Variants in TAFA2 observed in about 807,000 individuals in gnomAD.
TAFA2 encodes TAFA chemokine like family member 2, also known as chemokine-like protein TAFA-2.
TAFA2 carries 7 observed loss-of-function variants against 18.8 expected under a neutral mutation model. That is an observed-to-expected ratio of 0.37 (90% CI 0.21 to 0.70). TAFA2 has a LOEUF of 0.70. Ranked by LOEUF, TAFA2 falls within the 30% of genes least tolerant of loss-of-function variation. The probability of loss-of-function intolerance (pLI) is 0.53; values close to 1 mark genes in which losing one functional copy is unlikely to be tolerated. For missense variants in TAFA2, 122 were observed against 158.1 expected (o/e 0.77, Z 1.23); for synonymous variants, 60 against 54.2 (o/e 1.11, Z -0.47).
chr12:61,943,849 A>C (rs1272398736), intron 1 of TAFA2, among the ~76,000 whole-genome samples: 1 of 127,890 alleles, frequency 7.8e-6, no homozygotes. Context: ...CCACACATTA[A>C]TAATGGGAGA....
intron 1 of TAFA2, among the ~76,000 whole-genome samples, chr12:62,126,814 T>C (rs1870480967): frequency 6.6e-6 from 1 of 152,136 alleles, no homozygotes; most frequent in African/African-American, 2.4e-5. Flanking sequence ...ATAATAATCA[T>C]TTAGCTAACA....
At chr12:62,112,205 T>A (rs895719357) in intron 1 of TAFA2, among the ~76,000 whole-genome samples, 1 of 152,212 alleles carries the variant, frequency 6.6e-6, no homozygotes, top group Non-Finnish European at 1.5e-5. Context: ...TCTCTCAGTA[T>A]TTGCTTGTCT....
At chr12:62,225,349 A>G (rs2062781497) in intron 1 of TAFA2, among the ~76,000 whole-genome samples, 1 of 152,236 alleles carries the variant, frequency 6.6e-6, no homozygotes. Context: ...TTTCCACCTT[A>G]TAACAATAAA....
intron 1 of TAFA2, among the ~76,000 whole-genome samples, chr12:62,011,084 G>T (rs1471809142): frequency 6.6e-6 from 1 of 150,524 alleles, no homozygotes; most frequent in African/African-American, 2.4e-5. Context: ...TGGGAGGTGG[G>T]GAGCGCCTCT....
intron 1 of TAFA2, chr12:62,252,188 T>C (rs1469539616): frequency 6.6e-6 from 1 of 152,240 alleles, no homozygotes; most frequent in Non-Finnish European, 1.5e-5. Flanking sequence ...CTTTCTCAGG[T>C]CATCAATACT....
intron 1 of TAFA2, among the ~76,000 whole-genome samples, chr12:61,889,013 C>T (rs985324541): frequency 6.6e-6 from 1 of 152,210 alleles, no homozygotes; most frequent in Admixed American, 6.5e-5. Flanking sequence ...CAGCAATGGG[C>T]TGGCCTTGAT....
At chr12:61,844,826 T>C (rs192116699) in intron 2 of TAFA2, among the ~76,000 whole-genome samples, 75 of 152,262 alleles carry the variant, frequency 4.9e-4, no homozygotes, top group Non-Finnish European at 9.1e-4. Context: ...CCATAGATGG[T>C]ATGTTGTTGT....
chr12:61,963,889 C>A (rs1311022139), intron 1 of TAFA2, among the ~76,000 whole-genome samples: 4 of 151,810 alleles, frequency 2.6e-5, no homozygotes, highest in African/African-American at 4.8e-5. Flanking sequence ...ATATATAGAC[C>A]AATGGAACAG....
At chr12:62,119,339 TC>T (rs1870097139) in intron 1 of TAFA2, among the ~76,000 whole-genome samples, 1 of 144,686 alleles carries the variant, frequency 6.9e-6, no homozygotes, top group Non-Finnish European at 1.5e-5. Flanking sequence ...TCAAATACAA[TC>T]AGAATGATTA....
chr12:62,154,061 A>G (rs1592370038), intron 1 of TAFA2, among the ~76,000 whole-genome samples: 2 of 152,038 alleles, frequency 1.3e-5, no homozygotes, highest in Non-Finnish European at 2.9e-5. Flanking sequence ...ACCTACAGGC[A>G]CCTGCCACCA....
At chr12:62,006,581 A>C (rs1358935051) in intron 1 of TAFA2, among the ~76,000 whole-genome samples, 2 of 152,208 alleles carry the variant, frequency 1.3e-5, no homozygotes, top group African/African-American at 4.8e-5. Flanking sequence ...TACTAACTAA[A>C]GTCTAAGAGA....
intron 1 of TAFA2, among the ~76,000 whole-genome samples, chr12:61,943,453 A>C (rs1482102611): frequency 6.8e-6 from 1 of 147,562 alleles, no homozygotes; most frequent in Non-Finnish European, 1.5e-5. Context: ...ACACATAACA[A>C]TATTAACTTT....
chr12:61,863,416 C>T (rs773399118), intron 2 of TAFA2, among the ~76,000 whole-genome samples: 6 of 152,164 alleles, frequency 3.9e-5, no homozygotes, highest in African/African-American at 9.7e-5. Flanking sequence ...AGAATGGTAA[C>T]CCAGGGCTCA....
At chr12:61,901,742 T>A (rs968743649) in intron 1 of TAFA2, among the ~76,000 whole-genome samples, 1 of 152,166 alleles carries the variant, frequency 6.6e-6, no homozygotes, top group Non-Finnish European at 1.5e-5. Flanking sequence ...CACACAGGTT[T>A]GTTACATTAA....
At chr12:61,897,631 C>T (rs181322374) in intron 1 of TAFA2, among the ~76,000 whole-genome samples, 189 of 152,190 alleles carry the variant, frequency 1.2e-3, no homozygotes, top group African/African-American at 4.3e-3. Flanking sequence ...ACAAGAACAG[C>T]ATAGGGTAAA....
At chr12:61,733,438 T>C (rs1868254954) in intron 4 of TAFA2, among the ~76,000 whole-genome samples, 1 of 152,062 alleles carries the variant, frequency 6.6e-6, no homozygotes. Context: ...CCATCTTGAA[T>C]TAATTTTTGT....
intron 1 of TAFA2, among the ~76,000 whole-genome samples, chr12:62,114,222 T>C (rs557138051): frequency 1.3e-5 from 2 of 152,240 alleles, no homozygotes; most frequent in Non-Finnish European, 2.9e-5. Context: ...CAGTCTCTCA[T>C]GGCTTCCCTT....
chr12:62,210,811 C>T (rs754289495), intron 1 of TAFA2, among the ~76,000 whole-genome samples: 5 of 151,986 alleles, frequency 3.3e-5, no homozygotes, highest in Non-Finnish European at 7.4e-5. Context: ...TGAGATAGAA[C>T]ATAATCGTAT....
chr12:61,823,418 T>C (rs1441635782), intron 2 of TAFA2, among the ~76,000 whole-genome samples: 1 of 152,184 alleles, frequency 6.6e-6, no homozygotes. Context: ...AAAGCCAATG[T>C]CAGTATACTA....
Sources: allele counts gnomAD v4.1 joint callset (sites outside exome capture counted in the v4.1 genomes callset), GRCh38; gene constraint gnomAD v4.1.1; transcripts MANE v1.5; gene names NCBI Gene and HGNC (gene_info 2026-07-23, HGNC 2026-07-21).